The following SPPL3 variants were observed in gnomAD, a reference collection of about 807,000 sequenced individuals.
SPPL3 encodes the protein signal peptide peptidase-like 3.
A neutral mutation model predicts 42.4 loss-of-function variants in SPPL3; 5 were observed. That is an observed-to-expected ratio of 0.12 (90% CI 0.06 to 0.25). The LOEUF is 0.25. SPPL3 is among the 10% of genes least tolerant of loss of function. The pLI is 1.00. For synonymous variants in SPPL3, 195 were observed against 181.8 expected, an observed-to-expected ratio of 1.07 and a Z score of -0.58; for missense variants, 235 against 489.0, an observed-to-expected ratio of 0.48 and a Z score of 4.90.
rs750703823 is a variant in SPPL3, at chr12:120,766,098, G to GCACACACACACACA, written c.1083+164_1083+165insTGTGTGTGTGTGTG. On this transcript the variant is annotated intron_variant, in intron 10 of 10. Coordinates refer to ENST00000353487, the MANE Select transcript of SPPL3 (RefSeq NM_139015.5). ...TTGCTAACGCCAGGGTAGCGCGCGC[G>GCACACACACACACA]CGCACACACACACACACACACACAC... is the stretch of plus-strand genomic sequence containing the variant. Among the ~76,000 whole-genome samples, 5 of 144,150 alleles carry GCACACACACACACA rather than the reference G, an allele frequency of 3.5e-5. No individual in the cohort carries two copies. In the East Asian group the frequency reaches 8.4e-4, roughly 24 times the overall value. 94.6% of individuals were successfully genotyped at this position (144,150 alleles called of 152,430 possible).
chr12:120,859,946 CA>C (rs962480069), intron 1 of SPPL3, among the ~76,000 whole-genome samples: 1 of 150,996 alleles, frequency 6.6e-6, no homozygotes, highest in Admixed American at 6.6e-5. Flanking sequence ...CCAACTCAAA[CA>C]AAAAAAAGTC....
In SPPL3 at chr12:120,903,932, G is replaced by T; in HGVS notation, c.-65C>A. The T allele has an allele frequency of 7.8e-7, 1 of 1,279,790 alleles. No individual in the cohort carries two copies. The highest frequency in any genetic ancestry group is 9.9e-7 in the Non-Finnish European group (1 of 1,010,458). 79.3% of individuals were successfully genotyped at this position (1,279,790 alleles called of 1,614,324 possible). On this transcript the variant is annotated 5_prime_UTR_variant, in exon 1 of 11. Coordinates refer to ENST00000353487, the MANE Select transcript of SPPL3 (RefSeq NM_139015.5). ...GGCCCGGCGGCGGCGGGCTCGCTCG[G>T]GCCGTAGCTGAAGGCGCGGCCGGGG...
At chr12:120,874,505 A>T (rs112897779) in intron 1 of SPPL3, among the ~76,000 whole-genome samples, 2,002 of 152,050 alleles carry the variant, frequency 0.013, 36 homozygotes, top group African/African-American at 0.046. Context: ...TGTAAAAGAC[A>T]TGTTTAAAAC....
At position 120,782,511 on chromosome 12, in the gene SPPL3, C is replaced by A. The variant is rs565882833; in HGVS notation, c.502+144G>T. The A allele has an allele frequency of 2.2e-4, 127 of 570,930 alleles. 2 individuals are homozygous for A. In the South Asian group the frequency reaches 2.7e-3, roughly 12 times the overall value. The allele number at this position is 570,930 out of a possible 1,614,324, so 35.4% of individuals were successfully genotyped here. A position where few individuals can be genotyped will look rare whatever the true frequency, so the allele number is the denominator to read the frequency against. On this transcript the variant is annotated intron_variant, in intron 6 of 10. Coordinates refer to ENST00000353487, the MANE Select transcript of SPPL3 (RefSeq NM_139015.5). ...CTGGGGAGGTGGGTAAGGGGAATGA[C>A]CGCTCATTTGTTTTGGCGGGGGTGG...
intron 1 of SPPL3, among the ~76,000 whole-genome samples, chr12:120,887,333 T>C (rs1257885649): frequency 1.3e-5 from 2 of 152,156 alleles, no homozygotes; most frequent in African/African-American, 2.4e-5. Context: ...ATTATACTTC[T>C]ATTGGGCAGT....
intron 1 of SPPL3, among the ~76,000 whole-genome samples, chr12:120,811,974 T>A (rs1218965963): frequency 6.6e-6 from 1 of 151,970 alleles, no homozygotes; most frequent in Non-Finnish European, 1.5e-5. Context: ...GAGCTTTCCT[T>A]AGGGAGGAAG....
chr12:120,817,807 CAG>C (rs1417971776), intron 1 of SPPL3, among the ~76,000 whole-genome samples: 11 of 152,258 alleles, frequency 7.2e-5, no homozygotes, highest in Admixed American at 2.0e-4. Flanking sequence ...CTGGTAACGA[CAG>C]GGAGGAAAAG....
chr12:120,863,689 T>C (rs777364543), intron 1 of SPPL3, among the ~76,000 whole-genome samples: 3 of 152,214 alleles, frequency 2.0e-5, no homozygotes, highest in Non-Finnish European at 4.4e-5. Context: ...TCTCGTTTTA[T>C]TGCTCAGGCT....
At chr12:120,900,700 G>C (rs1873950531) in intron 1 of SPPL3, among the ~76,000 whole-genome samples, 1 of 151,942 alleles carries the variant, frequency 6.6e-6, no homozygotes, top group East Asian at 1.9e-4. Context: ...TTGAGGTCAG[G>C]AGTTCAAGAC....
chr12:120,856,583 A>G (rs1261997839), intron 1 of SPPL3, among the ~76,000 whole-genome samples: 1 of 149,002 alleles, frequency 6.7e-6, no homozygotes, highest in African/African-American at 2.5e-5. Context: ...ACTATGGGAC[A>G]AGATTCTGGA....
In SPPL3 at chr12:120,782,690, A is replaced by G; in HGVS notation, c.467T>C (p.Ile156Thr). 4 of 1,611,956 alleles carry G rather than the reference A, an allele frequency of 2.5e-6. No homozygotes were observed. Among genetic ancestry groups the G allele is most frequent in the Non-Finnish European group, 2.5e-6 (3 of 1,178,846 alleles). Reference sequence around the variant, plus strand: ...AAGCCAATGGCCAGTGAGAACCCAGATGAGGACGAGCATGACAGACAGAGA... The same window carrying G: ...AAGCCAATGGCCAGTGAGAACCCAGGTGAGGACGAGCATGACAGACAGAGA... ...SFSLSVMLVL[I>T]WVLTGHWLLM... Residue 156 changes from isoleucine to threonine, a missense_variant, in exon 6 of 11, where the codon ATC becomes ACC. Physicochemically the swap from Ile to Thr is moderately conservative, Grantham distance 89. This residue lies in a region of SPPL3 where 110 missense variants were observed against 186.2 expected (regional missense o/e 0.59). Coordinates refer to ENST00000353487, the MANE Select transcript of SPPL3 (RefSeq NM_139015.5).
chr12:120,768,522 A>G (rs1175769630), intron 7 of SPPL3, 34 bp from the exon 8 acceptor site: 2 of 1,585,862 alleles, frequency 1.3e-6, no homozygotes, highest in African/African-American at 1.3e-5. Flanking sequence ...TAACAGAGGG[A>G]GTTGGAAGCA....
rs1869651912 is a variant in SPPL3 at position 120,784,564 on chromosome 12, G to A, written c.220C>T (p.Leu74=). ...ACAGATGCTCCAATTGGAAGGAACA[G>A]AGCCTGGGTAGAGTCAATTGTTTGG... ...SIQTIDSTQA[L]FLPIGASVSL... The change falls in exon 4 of 11, where the codon CTG becomes TTG. Residue 74 remains leucine (L), a synonymous_variant. Coordinates refer to ENST00000353487, the MANE Select transcript of SPPL3 (RefSeq NM_139015.5). The A allele has an allele frequency of 6.2e-7, 1 of 1,611,316 alleles. No individual in the cohort carries two copies. Among genetic ancestry groups the A allele is most frequent in the Non-Finnish European group, 8.5e-7 (1 of 1,179,066 alleles).
At chr12:120,891,309 C>A (rs1014919039) in intron 1 of SPPL3, among the ~76,000 whole-genome samples, 1 of 152,114 alleles carries the variant, frequency 6.6e-6, no homozygotes, top group African/African-American at 2.4e-5. Context: ...TCCTAATCTC[C>A]CAAATGTCTG....
chr12:120,778,406 C>G (rs971672175), intron 6 of SPPL3, among the ~76,000 whole-genome samples: 3 of 152,104 alleles, frequency 2.0e-5, no homozygotes, highest in African/African-American at 7.2e-5. Flanking sequence ...CATGAGCCAC[C>G]GCGCCCGGCC....
chr12:120,838,839 A>AT (rs1871707476), intron 1 of SPPL3, among the ~76,000 whole-genome samples: 1 of 152,238 alleles, frequency 6.6e-6, no homozygotes, highest in Non-Finnish European at 1.5e-5. Flanking sequence ...AATGGCAATC[A>AT]TTAAAAAGTC....
chr12:120,769,270 T>C, intron 6 of SPPL3: 1 of 480,546 alleles, frequency 2.1e-6, no homozygotes. Context: ...ATTGCTTTCC[T>C]CCTCCTAGAC....
At chr12:120,880,508 G>C (rs1233208428) in intron 1 of SPPL3, among the ~76,000 whole-genome samples, 1 of 152,002 alleles carries the variant, frequency 6.6e-6, no homozygotes, top group Admixed American at 6.5e-5. Context: ...TTGCAAATCG[G>C]CCGGGTGTGG....
At chr12:120,895,296 G>A (rs1275755985) in intron 1 of SPPL3, among the ~76,000 whole-genome samples, 1 of 151,900 alleles carries the variant, frequency 6.6e-6, no homozygotes, top group Non-Finnish European at 1.5e-5. Context: ...GTGTATTGGC[G>A]CGCAGCTATA....
Sources: allele counts gnomAD v4.1 joint callset (sites outside exome capture counted in the v4.1 genomes callset), GRCh38; gene constraint gnomAD v4.1.1; regional missense constraint gnomAD v4.1.1; transcripts MANE v1.5; gene names NCBI Gene and HGNC (gene_info 2026-07-23, HGNC 2026-07-21).